PRELID2: variants seen among roughly 807,000 people sequenced by gnomAD.
PRELID2 encodes PRELI domain-containing protein 2.
In PRELID2, 25 loss-of-function variants were observed where a neutral mutation model predicts 28.4. That is an observed-to-expected ratio of 0.88 (90% confidence interval 0.64 to 1.23). The LOEUF (loss-of-function observed/expected upper bound fraction) is 1.23. Ranked by LOEUF, PRELID2 falls within the 50% of genes most tolerant of loss-of-function variation. The pLI, the probability that PRELID2 is intolerant of heterozygous loss-of-function variation, is 0.00. For synonymous variants in PRELID2, 76 were observed against 71.6 expected (o/e 1.06, Z -0.31); for missense variants, 201 against 214.4 (o/e 0.94, Z 0.39).
At chr5:145,290,930 C>A in the PRELID2 span, among the ~76,000 whole-genome samples, 1 of 151,392 alleles carries the variant, frequency 6.6e-6, no homozygotes, top group Non-Finnish European at 1.5e-5. Flanking sequence ...TCCTAATACC[C>A]AGTATCTATG....
the PRELID2 span, among the ~76,000 whole-genome samples, chr5:145,408,728 G>A: frequency 1.6e-4 from 25 of 152,040 alleles, 1 homozygote; most frequent in South Asian, 2.5e-3. Context: ...TATGTTTAAC[G>A]ATCAGATGTA....
chr5:145,410,024 G>A, the PRELID2 span, among the ~76,000 whole-genome samples: 2 of 152,124 alleles, frequency 1.3e-5, no homozygotes, highest in Non-Finnish European at 2.9e-5. Flanking sequence ...ACAGCCAACT[G>A]ATCTTTGACA....
chr5:145,382,477 C>T, the PRELID2 span, among the ~76,000 whole-genome samples: 14 of 151,734 alleles, frequency 9.2e-5, no homozygotes, highest in East Asian at 2.7e-3. Flanking sequence ...TGACAGAAGC[C>T]AGAGAATAAT....
chr5:145,340,178 A>G, the PRELID2 span, among the ~76,000 whole-genome samples: 12 of 152,082 alleles, frequency 7.9e-5, no homozygotes, highest in Admixed American at 6.6e-5. Context: ...GAGCCTAAAA[A>G]TTACCCAGCT....
At chr5:145,515,894 T>G (rs1312215555) in intron 1 of PRELID2, among the ~76,000 whole-genome samples, 1 of 152,128 alleles carries the variant, frequency 6.6e-6, no homozygotes, top group African/African-American at 2.4e-5. Context: ...AAAAACCACA[T>G]GATTATCTCA....
chr5:145,692,083 G>C (rs569096014), intron 1 of PRELID2, among the ~76,000 whole-genome samples: 1 of 151,848 alleles, frequency 6.6e-6, no homozygotes, highest in Non-Finnish European at 1.5e-5. Flanking sequence ...TGCTCTTATC[G>C]TTATCTGTGA....
chr5:145,552,727 T>G (rs1292251039), intron 1 of PRELID2, among the ~76,000 whole-genome samples: 1 of 152,230 alleles, frequency 6.6e-6, no homozygotes, highest in African/African-American at 2.4e-5. Context: ...GGTCTGCTTT[T>G]CTGTTGTTCA....
intron 1 of PRELID2, among the ~76,000 whole-genome samples, chr5:145,618,845 TG>T (rs1301101000): frequency 6.6e-6 from 1 of 151,942 alleles, no homozygotes; most frequent in Non-Finnish European, 1.5e-5. Context: ...CCTCCTTGGG[TG>T]GGTCTTGCTG....
At chr5:145,582,448 G>A (rs535887719) in intron 1 of PRELID2, among the ~76,000 whole-genome samples, 1 of 152,024 alleles carries the variant, frequency 6.6e-6, no homozygotes, top group Admixed American at 6.6e-5. Context: ...CAAGGGGGAA[G>A]TCGGCCCCCA....
At chr5:145,593,862 G>C (rs1753265236) in intron 1 of PRELID2, among the ~76,000 whole-genome samples, 1 of 152,140 alleles carries the variant, frequency 6.6e-6, no homozygotes, top group African/African-American at 2.4e-5. Context: ...ACCTTATTTG[G>C]ATCCAGACTC....
At chr5:145,826,268 G>A in intron 1 of PRELID2, 1 of 714,322 alleles carries the variant, frequency 1.4e-6, no homozygotes, top group Non-Finnish European at 1.7e-6. Context: ...CAGACAAGCA[G>A]GTTCACATGG....
chr5:145,479,873 G>C (rs1287490205), intron 1 of PRELID2, among the ~76,000 whole-genome samples: 1 of 152,132 alleles, frequency 6.6e-6, no homozygotes. Flanking sequence ...TAACCCCAGA[G>C]AACTGAAAGA....
At chr5:145,722,258 T>G (rs1211942579) in intron 1 of PRELID2, among the ~76,000 whole-genome samples, 1 of 152,084 alleles carries the variant, frequency 6.6e-6, no homozygotes, top group East Asian at 1.9e-4. Flanking sequence ...TACAATAAAA[T>G]AAGGAATATG....
chr5:145,381,116 A>G, the PRELID2 span, among the ~76,000 whole-genome samples: 1 of 152,218 alleles, frequency 6.6e-6, no homozygotes, highest in African/African-American at 2.4e-5. Context: ...GCAATAATTT[A>G]AAGGCCCTAA....
chr5:145,787,477 C>G (rs1752072428), intron 5 of PRELID2, among the ~76,000 whole-genome samples: 1 of 152,084 alleles, frequency 6.6e-6, no homozygotes, highest in Non-Finnish European at 1.5e-5. Flanking sequence ...GACAAAAGCT[C>G]CCTAAATAGT....
At chr5:145,322,565 C>T in the PRELID2 span, among the ~76,000 whole-genome samples, 1 of 152,100 alleles carries the variant, frequency 6.6e-6, no homozygotes, top group African/African-American at 2.4e-5. Flanking sequence ...TGGTTCTCTG[C>T]CTAGCAAGAC....
intron 1 of PRELID2, among the ~76,000 whole-genome samples, chr5:145,621,038 T>C (rs986348992): frequency 6.6e-6 from 1 of 152,116 alleles, no homozygotes; most frequent in Admixed American, 6.6e-5. Context: ...AATAATATAT[T>C]TGATAGGAAA....
chr5:145,301,930 C>CTTTTTT, the PRELID2 span, among the ~76,000 whole-genome samples: 1,184 of 108,996 alleles, frequency 0.011, no homozygotes, highest in East Asian at 0.02. Flanking sequence ...TTATTCATTT[C>CTTTTTT]TTTTTTTTTT....
the PRELID2 span, among the ~76,000 whole-genome samples, chr5:145,293,873 T>C: frequency 6.6e-6 from 1 of 152,170 alleles, no homozygotes; most frequent in African/African-American, 2.4e-5. Flanking sequence ...TTATCTCAAC[T>C]GCAGAAAGCT....
Sources: allele counts gnomAD v4.1 joint callset (sites outside exome capture counted in the v4.1 genomes callset), GRCh38; gene constraint gnomAD v4.1.1; transcripts MANE v1.5; gene names NCBI Gene and HGNC (gene_info 2026-07-23, HGNC 2026-07-21).